GTF2IRD1: variants seen among roughly 807,000 people sequenced by gnomAD.
GTF2IRD1 encodes the protein general transcription factor II-I repeat domain-containing protein 1.
GTF2IRD1 carries 26 observed loss-of-function variants against 113.2 expected under a neutral mutation model. That is an observed-to-expected ratio of 0.23 (90% confidence interval 0.17 to 0.32). The LOEUF (loss-of-function observed/expected upper bound fraction) is 0.32, where lower values mean the gene tolerates loss of function less well. Ranked by LOEUF, GTF2IRD1 falls within the 10% of genes least tolerant of loss-of-function variation. The probability of loss-of-function intolerance (pLI) is 1.00; values close to 1 mark genes in which losing one functional copy is unlikely to be tolerated. For missense variants in GTF2IRD1, 864 were observed against 1,280.8 expected (o/e 0.67, Z 4.97); for synonymous variants, 484 against 529.1 (o/e 0.91, Z 1.17).
At chr7:74,600,973 C>T (rs1802724386) in intron 25 of GTF2IRD1, 71 bp from the exon 26 acceptor site, 2 of 1,552,462 alleles carry the variant, frequency 1.3e-6, no homozygotes, top group African/African-American at 2.7e-5. Context: ...AGCACTTTTC[C>T]AGGGAGCTCA....
chr7:74,459,022 A>G (rs1793182960), intron 1 of GTF2IRD1, among the ~76,000 whole-genome samples: 1 of 151,632 alleles, frequency 6.6e-6, no homozygotes, highest in South Asian at 2.1e-4. Flanking sequence ...TGTGGAACTG[A>G]TCCATTCTCG....
intron 22 of GTF2IRD1, among the ~76,000 whole-genome samples, chr7:74,574,485 G>GT (rs1800892711): frequency 6.9e-6 from 1 of 145,086 alleles, no homozygotes. Flanking sequence ...TTAAGGCAGG[G>GT]TCTCTCTCTG....
intron 22 of GTF2IRD1, among the ~76,000 whole-genome samples, chr7:74,581,012 C>CGTT (rs1554365966): frequency 6.6e-6 from 1 of 152,068 alleles, no homozygotes; most frequent in African/African-American, 2.4e-5. Context: ...TAAACTAAAC[C>CGTT]CCCTTTTCTG....
At chr7:74,601,011 T>C (rs781885817) in intron 25 of GTF2IRD1, 33 bp from the exon 26 acceptor site, 1 of 1,612,608 alleles carries the variant, frequency 6.2e-7, no homozygotes, top group South Asian at 1.1e-5. Flanking sequence ...AGCCTCAGCT[T>C]CCAGTGTCAA....
At chr7:74,487,545 T>A (rs1251732748) in intron 1 of GTF2IRD1, 1 of 152,158 alleles carries the variant, frequency 6.6e-6, no homozygotes, top group Non-Finnish European at 1.5e-5. Flanking sequence ...GTAGACTGTT[T>A]TTGCAATCTC....
chr7:74,495,930 G>A (rs918137718), intron 1 of GTF2IRD1, among the ~76,000 whole-genome samples: 2 of 152,186 alleles, frequency 1.3e-5, no homozygotes, highest in Non-Finnish European at 2.9e-5. Context: ...GTCCCAGCAC[G>A]ACTGTGGCTG....
chr7:74,461,108 A>G (rs558545319), intron 1 of GTF2IRD1, among the ~76,000 whole-genome samples: 2 of 152,322 alleles, frequency 1.3e-5, no homozygotes, highest in African/African-American at 4.8e-5. Flanking sequence ...GCTGTAGTCC[A>G]AGGGACTTGG....
At chr7:74,565,853 G>A (rs902466372) in intron 22 of GTF2IRD1, among the ~76,000 whole-genome samples, 1 of 151,972 alleles carries the variant, frequency 6.6e-6, no homozygotes, top group Non-Finnish European at 1.5e-5. Context: ...GGGTGGTGGC[G>A]CTTGCCTGTA....
At chr7:74,533,896 G>T (rs1798124315) in intron 9 of GTF2IRD1, among the ~76,000 whole-genome samples, 1 of 152,056 alleles carries the variant, frequency 6.6e-6, no homozygotes, top group East Asian at 1.9e-4. Context: ...GGCATTGGTG[G>T]CGCATGCCTA....
At chr7:74,591,360 G>A (rs1389239692) in intron 24 of GTF2IRD1, among the ~76,000 whole-genome samples, 1 of 145,660 alleles carries the variant, frequency 6.9e-6, no homozygotes, top group East Asian at 2.0e-4. Flanking sequence ...TAATTCCATA[G>A]TCTCAGTGAT....
intron 1 of GTF2IRD1, among the ~76,000 whole-genome samples, chr7:74,474,418 A>G (rs1794288250): frequency 6.6e-6 from 1 of 152,124 alleles, no homozygotes; most frequent in Admixed American, 6.5e-5. Flanking sequence ...CCTATGGGAG[A>G]GCCACTCCCA....
rs1440224251 is a variant in GTF2IRD1 at position 74,468,395 on chromosome 7, C to T, written c.-7+14219C>T. On this transcript the variant is annotated intron_variant, in intron 1 of 26. Coordinates refer to ENST00000424337, the MANE Select transcript of GTF2IRD1 (RefSeq NM_005685.4). The stretch of plus-strand genomic sequence containing the variant: ...AAAACCCAGCCAGGCCGCAGTGGCT[C>T]ACTCCTGTAATCCCAGCACTTTGGG... Among the ~76,000 whole-genome samples the T allele has an allele frequency of 3.3e-5, 5 of 150,092 alleles. No individual in the cohort carries two copies. In the South Asian group the frequency reaches 1.1e-3, roughly 32 times the overall value.
At chr7:74,468,676 C>CTGTGTGTGTGTG (rs61694825) in intron 1 of GTF2IRD1, among the ~76,000 whole-genome samples, 8 of 129,416 alleles carry the variant, frequency 6.2e-5, no homozygotes, top group South Asian at 5.1e-4. Context: ...AAAAAAAAAA[C>CTGTGTGTGTGTG]TGTGTGTGTG....
intron 1 of GTF2IRD1, among the ~76,000 whole-genome samples, chr7:74,504,794 A>G (rs1234390292): frequency 4.4e-5 from 6 of 135,292 alleles, no homozygotes; most frequent in Non-Finnish European, 7.7e-5. Flanking sequence ...TGCAACCTCC[A>G]CCGCCGGGGT....
chr7:74,494,436 C>G (rs536843361), intron 1 of GTF2IRD1, among the ~76,000 whole-genome samples: 1 of 152,206 alleles, frequency 6.6e-6, no homozygotes, highest in Non-Finnish European at 1.5e-5. Context: ...AGCTCAGAGT[C>G]CAGGGCAAGG....
At chr7:74,502,682 C>T (rs183185313) in intron 1 of GTF2IRD1, among the ~76,000 whole-genome samples, 116 of 152,306 alleles carry the variant, frequency 7.6e-4, no homozygotes, top group Middle Eastern at 3.4e-3. Flanking sequence ...GCTCAGGGTC[C>T]GGGCAGGCCT....
At chr7:74,536,320 T>G in intron 11 of GTF2IRD1, 45 bp downstream of exon 11, 5 of 1,220,512 alleles carry the variant, frequency 4.1e-6, no homozygotes, top group Non-Finnish European at 4.8e-6. Flanking sequence ...CCAGCCCTGC[T>G]CTGGGCTGAG....
intron 24 of GTF2IRD1, 27 bp downstream of exon 24, chr7:74,591,044 A>C (rs782221626): frequency 6.4e-7 from 1 of 1,557,304 alleles, no homozygotes; most frequent in South Asian, 1.1e-5. Context: ...TGGAACGGGG[A>C]ACAGAGAGGG....
At chr7:74,460,869 G>A (rs1227077907) in intron 1 of GTF2IRD1, among the ~76,000 whole-genome samples, 1 of 152,210 alleles carries the variant, frequency 6.6e-6, no homozygotes, top group Non-Finnish European at 1.5e-5. Flanking sequence ...GTGGACTTGA[G>A]GGGCTGACCC....
Sources: allele counts gnomAD v4.1 joint callset (sites outside exome capture counted in the v4.1 genomes callset), GRCh38; gene constraint gnomAD v4.1.1; transcripts MANE v1.5; gene names NCBI Gene and HGNC (gene_info 2026-07-23, HGNC 2026-07-21).